Variants in SRBD1 observed in about 807,000 individuals in gnomAD.
SRBD1 encodes the protein S1 RNA binding domain 1, also known as S1 RNA-binding domain-containing protein 1.
Under a neutral mutation model 115.3 loss-of-function variants are expected in SRBD1, and 88 were observed. The observed-to-expected ratio is 0.76, with a 90% confidence interval of 0.64 to 0.91. The LOEUF (loss-of-function observed/expected upper bound fraction) is 0.91. Among genes scored for constraint, SRBD1 ranks in the 40% least tolerant of loss-of-function variants. SRBD1 has a pLI of 0.00. For synonymous variants in SRBD1, 509 were observed against 407.7 expected, an observed-to-expected ratio of 1.25 and a Z score of -2.99; for missense variants, 1,385 against 1,177.4, an observed-to-expected ratio of 1.18 and a Z score of -2.58.
chr2:45,445,189 T>C (rs574359029), intron 16 of SRBD1, among the ~76,000 whole-genome samples: 6 of 152,308 alleles, frequency 3.9e-5, no homozygotes, highest in Non-Finnish European at 7.4e-5. Flanking sequence ...TTGGCTTCTG[T>C]GGTCAAAATT....
At chr2:45,555,880 T>G (rs370678014) in intron 10 of SRBD1, among the ~76,000 whole-genome samples, 4 of 152,270 alleles carry the variant, frequency 2.6e-5, no homozygotes, top group African/African-American at 9.6e-5. Flanking sequence ...GTTGGTCCTA[T>G]GATACTATCC....
chr2:45,425,688 C>T (rs993478838), intron 16 of SRBD1, among the ~76,000 whole-genome samples: 4 of 152,118 alleles, frequency 2.6e-5, no homozygotes, highest in African/African-American at 4.8e-5. Flanking sequence ...GGGTGGAAAG[C>T]GCAAGGAGTC....
At chr2:45,591,400 C>A (rs568454351) in intron 4 of SRBD1, among the ~76,000 whole-genome samples, 3 of 152,150 alleles carry the variant, frequency 2.0e-5, no homozygotes, top group African/African-American at 4.8e-5. Flanking sequence ...CTCCAATTCC[C>A]GAGTTTTCAG....
intron 16 of SRBD1, among the ~76,000 whole-genome samples, chr2:45,431,647 G>A (rs181007564): frequency 6.6e-6 from 1 of 152,240 alleles, no homozygotes; most frequent in East Asian, 1.9e-4. Context: ...GGCTAGGGGA[G>A]GGATAGCATT....
At chr2:45,401,027 T>A (rs778650782) in intron 19 of SRBD1, among the ~76,000 whole-genome samples, 1 of 152,216 alleles carries the variant, frequency 6.6e-6, no homozygotes, top group South Asian at 2.1e-4. Flanking sequence ...AATCAATCCA[T>A]AGCCTGATCA....
At chr2:45,405,030 C>T (rs1003777389) in intron 19 of SRBD1, among the ~76,000 whole-genome samples, 1 of 152,112 alleles carries the variant, frequency 6.6e-6, no homozygotes, top group Non-Finnish European at 1.5e-5. Context: ...GCGATGACTA[C>T]CCTACTTAAA....
At chr2:45,466,807 C>A (rs1669502239) in intron 16 of SRBD1, among the ~76,000 whole-genome samples, 1 of 152,154 alleles carries the variant, frequency 6.6e-6, no homozygotes, top group Middle Eastern at 3.2e-3. Flanking sequence ...ATTCAAAACA[C>A]CTAGAAATCT....
chr2:45,407,649 C>T (rs1385908257), intron 19 of SRBD1, among the ~76,000 whole-genome samples: 1 of 152,032 alleles, frequency 6.6e-6, no homozygotes, highest in African/African-American at 2.4e-5. Context: ...AAGTAAAGAA[C>T]ACAAAGAATA....
At chr2:45,444,499 C>A (rs1439278725) in intron 16 of SRBD1, among the ~76,000 whole-genome samples, 3 of 151,954 alleles carry the variant, frequency 2.0e-5, no homozygotes, top group Non-Finnish European at 4.4e-5. Flanking sequence ...CCTTCTTTTC[C>A]CAAAGAATCA....
intron 14 of SRBD1, among the ~76,000 whole-genome samples, chr2:45,540,562 G>T (rs1671902118): frequency 1.3e-5 from 2 of 151,762 alleles, no homozygotes; most frequent in Admixed American, 1.3e-4. Flanking sequence ...CCATTCAAAA[G>T]ATCCTGTTTA....
intron 16 of SRBD1, among the ~76,000 whole-genome samples, chr2:45,460,169 T>C (rs1191991396): frequency 1.3e-5 from 2 of 152,196 alleles, no homozygotes; most frequent in Non-Finnish European, 1.5e-5. Context: ...GCCCTGATCA[T>C]CTAGCTGACT....
intron 16 of SRBD1, among the ~76,000 whole-genome samples, chr2:45,420,155 G>A (rs1667953987): frequency 6.6e-6 from 1 of 152,136 alleles, no homozygotes; most frequent in African/African-American, 2.4e-5. Flanking sequence ...CAGAGCAGTG[G>A]TTCTCAAACT....
At chr2:45,442,535 G>A (rs1419532898) in intron 16 of SRBD1, among the ~76,000 whole-genome samples, 1 of 152,138 alleles carries the variant, frequency 6.6e-6, no homozygotes, top group Non-Finnish European at 1.5e-5. Flanking sequence ...GAAGAATTCT[G>A]GAATTTAGAA....
chr2:45,399,438 A>T (rs1365010188), intron 19 of SRBD1, among the ~76,000 whole-genome samples: 1 of 152,084 alleles, frequency 6.6e-6, no homozygotes, highest in Non-Finnish European at 1.5e-5. Flanking sequence ...ATACTTTTGA[A>T]AGTGCGCAGT....
chr2:45,509,574 G>A (rs1670901766), intron 14 of SRBD1, among the ~76,000 whole-genome samples: 1 of 123,450 alleles, frequency 8.1e-6, no homozygotes, highest in South Asian at 2.9e-4. Flanking sequence ...CCAGCCTGGA[G>A]GACACAGCAA....
At chr2:45,523,108 G>T (rs927970483) in intron 14 of SRBD1, among the ~76,000 whole-genome samples, 1 of 151,454 alleles carries the variant, frequency 6.6e-6, no homozygotes, top group African/African-American at 2.4e-5. Context: ...AAATGAAAAA[G>T]GACATTAGAA....
At chr2:45,532,092 A>T (rs1300988124) in intron 14 of SRBD1, among the ~76,000 whole-genome samples, 1 of 151,762 alleles carries the variant, frequency 6.6e-6, no homozygotes, top group African/African-American at 2.4e-5. Flanking sequence ...GGCACAGCTG[A>T]AAAAGAACAT....
At chr2:45,544,497 C>T (rs1353146645) in intron 14 of SRBD1, among the ~76,000 whole-genome samples, 1 of 152,058 alleles carries the variant, frequency 6.6e-6, no homozygotes, top group East Asian at 1.9e-4. Flanking sequence ...TCTCTATAGC[C>T]CACATACTTC....
At chr2:45,424,382 G>A (rs568652134) in intron 16 of SRBD1, among the ~76,000 whole-genome samples, 1 of 152,132 alleles carries the variant, frequency 6.6e-6, no homozygotes, top group South Asian at 2.1e-4. Context: ...ACAATGACCT[G>A]TTTGTGTAAA....
Sources: gnomAD v4.1 joint callset for allele counts (sites outside exome capture counted in the v4.1 genomes callset) on GRCh38, gnomAD v4.1.1 for gene constraint, MANE v1.5 for transcripts, NCBI Gene and HGNC (gene_info 2026-07-23, HGNC 2026-07-21) for gene names.